ATP6V0A2: variants seen among roughly 807,000 people sequenced by gnomAD.
ATP6V0A2 encodes the protein V-type proton ATPase 116 kDa subunit a 2.
In ATP6V0A2, 58 loss-of-function variants were observed where a neutral mutation model predicts 104.4. That is an observed-to-expected ratio of 0.56 (90% CI 0.45 to 0.69). The LOEUF (loss-of-function observed/expected upper bound fraction) is 0.69, where lower values mean the gene tolerates loss of function less well. Among genes scored for constraint, ATP6V0A2 ranks in the 30% least tolerant of loss-of-function variants. The pLI is 0.00. For synonymous variants in ATP6V0A2, 376 were observed against 397.9 expected, an observed-to-expected ratio of 0.95 and a Z score of 0.65; for missense variants, 938 against 1,062.9, an observed-to-expected ratio of 0.88 and a Z score of 1.63.
chr12:123,757,843 A>AT lies in ATP6V0A2; in HGVS notation c.2466-73dup, dbSNP rs530511817. On this transcript the variant is annotated intron_variant, in intron 19 of 19. Coordinates refer to ENST00000330342, the MANE Select transcript of ATP6V0A2 (RefSeq NM_012463.4). ...GGAATGAAGCAATTTCAGCACAGGA[A>AT]TTTTTTTTTTTAACTTATAAATGTT... The AT allele has an allele frequency of 0.026, 18,883 of 724,444 alleles. 605 individuals are homozygous for AT. Among genetic ancestry groups the AT allele is most frequent in the African/African-American group, 0.17 (9,025 of 54,448 alleles). 44.9% of individuals were successfully genotyped at this position (724,444 alleles called of 1,614,324 possible). A position where few individuals can be genotyped will look rare whatever the true frequency, so the allele number is the denominator to read the frequency against.
chr12:123,726,059 C>A, intron 4 of ATP6V0A2, 138 bp from the exon 5 acceptor site: 1 of 676,210 alleles, frequency 1.5e-6, no homozygotes, highest in South Asian at 1.6e-5. Flanking sequence ...AGTTATAAAT[C>A]TAAGTTACCT....
intron 1 of ATP6V0A2, among the ~76,000 whole-genome samples, chr12:123,716,540 C>T (rs35911711): frequency 0.3 from 46,313 of 152,020 alleles, 7,477 homozygotes; most frequent in Middle Eastern, 0.37. Flanking sequence ...CCTGTAATCC[C>T]GGCACTTTGG....
Position 123,712,677 on chromosome 12 carries a change from C to G in ATP6V0A2, c.112C>G (p.Arg38Gly). The G allele has an allele frequency of 6.2e-7, 1 of 1,609,594 alleles. No homozygotes were observed. Residue 38 changes from arginine (R) to glycine (G), a missense_variant, in exon 1 of 20, where the codon CGA (arginine) becomes GGA (glycine). Physicochemically the swap from Arg to Gly is moderately radical, Grantham distance 125 (BLOSUM62 -2). Transcript: ENST00000330342. ...GGGCGAGAAAGGCCTGGTCCAGTTC[C>G]GAGACGTGAGTGTCGCCCGGGAGAC... ...ALGEKGLVQFRDLNQNVSSFQ... is the reference protein window; with the variant it reads ...ALGEKGLVQFGDLNQNVSSFQ...
chr12:123,745,203 T>A (rs1365018517), intron 13 of ATP6V0A2, among the ~76,000 whole-genome samples: 1 of 152,204 alleles, frequency 6.6e-6, no homozygotes, highest in African/African-American at 2.4e-5. Flanking sequence ...GCCAGGGCTG[T>A]GTTCTGTCAT....
intron 1 of ATP6V0A2, among the ~76,000 whole-genome samples, chr12:123,717,782 A>C (rs1222576985): frequency 6.6e-6 from 1 of 151,684 alleles, no homozygotes; most frequent in Non-Finnish European, 1.5e-5. Context: ...TTCTTGAACT[A>C]GTTTTCTATT....
At chr12:123,751,283 A>T in intron 16 of ATP6V0A2, 54 bp downstream of exon 16, 2 of 1,613,658 alleles carry the variant, frequency 1.2e-6, no homozygotes, top group Non-Finnish European at 1.7e-6. Context: ...GCTTTCGGTT[A>T]TACAAGGATT....
intron 1 of ATP6V0A2, among the ~76,000 whole-genome samples, chr12:123,715,175 TAAAG>T (rs1417600909): frequency 6.6e-6 from 1 of 152,206 alleles, no homozygotes; most frequent in African/African-American, 2.4e-5. Flanking sequence ...TCTTTATAAA[TAAAG>T]ATTCTACTAT....
rs765191718 is a variant in ATP6V0A2 at position 123,752,297 on chromosome 12, TATAAGGAAAG to T, written c.2074_2083del (p.Arg692ValfsTer13). 2 of 1,614,166 alleles carry T rather than the reference TATAAGGAAAG, an allele frequency of 1.2e-6. No individual in the cohort carries two copies. Among genetic ancestry groups the T allele is most frequent in the African/African-American group, 1.3e-5 (1 of 75,048 alleles). ...TTGGTTGTTAGAGTGGCTACACACT[TATAAGGAAAG>T]ATAGTGAGGAAGAAGTTTCATTGCT... On this transcript the variant is annotated frameshift_variant, in exon 17 of 20. Transcript: ENST00000330342. LOFTEE classifies it high-confidence loss of function.
intron 8 of ATP6V0A2, among the ~76,000 whole-genome samples, chr12:123,735,903 G>T (rs1214509616): frequency 6.6e-6 from 1 of 152,016 alleles, no homozygotes; most frequent in South Asian, 2.1e-4. Context: ...ACAGGCTCTC[G>T]CTCTGTCGCC....
At chr12:123,727,603 T>C (rs1350324251) in intron 5 of ATP6V0A2, among the ~76,000 whole-genome samples, 180 bp from the exon 6 acceptor site, 1 of 152,168 alleles carries the variant, frequency 6.6e-6, no homozygotes, top group African/African-American at 2.4e-5. Context: ...TACAAGCTCA[T>C]CTCTACCTTT....
intron 16 of ATP6V0A2, among the ~76,000 whole-genome samples, chr12:123,752,008 G>A (rs758483234): frequency 2.0e-5 from 3 of 151,700 alleles, no homozygotes; most frequent in South Asian, 2.1e-4. Flanking sequence ...ACAGGCGCCC[G>A]CCACCACGCC....
Position 123,761,408 on chromosome 12 carries a change from G to A in ATP6V0A2, c.*3376G>A, listed in dbSNP as rs1282659258. On this transcript the variant is annotated 3_prime_UTR_variant, in exon 20 of 20. Coordinates refer to ENST00000330342, the MANE Select transcript of ATP6V0A2 (RefSeq NM_012463.4). ...AGCCGGGTTTGCTTGCGTGCCACAG[G>A]GAATATATCCAGGAAGGTTATTATG... 6.6e-6 allele frequency: 1 copy of A among 152,186 alleles called. No individual in the cohort carries two copies. Among genetic ancestry groups the A allele is most frequent in the Non-Finnish European group, 1.5e-5 (1 of 68,042 alleles). 9.4% of individuals were successfully genotyped at this position (152,186 alleles called of 1,614,324 possible).
At chr12:123,751,074 C>T (rs376088530) in intron 15 of ATP6V0A2, 36 bp from the exon 16 acceptor site, 131 of 1,613,738 alleles carry the variant, frequency 8.1e-5, no homozygotes, top group Non-Finnish European at 1.0e-4. Context: ...CAGGCCTTCA[C>T]GTTTTAATCG....
intron 9 of ATP6V0A2, among the ~76,000 whole-genome samples, chr12:123,740,775 G>T (rs969548637): frequency 6.6e-6 from 1 of 152,008 alleles, no homozygotes; most frequent in East Asian, 1.9e-4. Context: ...TCCTCTTCGC[G>T]CCTTCTGTTT....
intron 2 of ATP6V0A2, chr12:123,721,595 G>A (rs1314635905): frequency 9.5e-6 from 2 of 211,406 alleles, no homozygotes; most frequent in Non-Finnish European, 2.0e-5. Context: ...AGTAGTGTCC[G>A]GCCACGACTG....
At chr12:123,735,740 TAGTG>T in intron 8 of ATP6V0A2, 116 bp downstream of exon 8, 1 of 941,638 alleles carries the variant, frequency 1.1e-6, no homozygotes, top group Non-Finnish European at 1.7e-6. Context: ...CAAGATGTTC[TAGTG>T]AGATTGGAAT....
intron 5 of ATP6V0A2, among the ~76,000 whole-genome samples, chr12:123,726,749 A>G (rs1409700364): frequency 1.3e-5 from 2 of 152,192 alleles, no homozygotes; most frequent in African/African-American, 4.8e-5. Flanking sequence ...ATGAACTCAT[A>G]TTTCACAGTT....
chr12:123,731,566 T>C (rs1298491559), intron 6 of ATP6V0A2: 1 of 146,486 alleles, frequency 6.8e-6, no homozygotes, highest in Admixed American at 6.7e-5. Flanking sequence ...CTTGAACTCC[T>C]GGGCTCAAAC....
In ATP6V0A2 at chr12:123,761,358, ATAAATTCC is replaced by A. The variant is rs2135929344; in HGVS notation, c.*3328_*3335del. 1 of 152,378 alleles carries A rather than the reference ATAAATTCC, an allele frequency of 6.6e-6. No homozygotes were observed. The highest frequency in any genetic ancestry group is 2.4e-5 in the African/African-American group (1 of 41,590). 9.4% of individuals were successfully genotyped at this position (152,378 alleles called of 1,614,324 possible). ...TATTCTACAGTCCGCATTTAAAACAATAAATTCCTCTATTAAAAACGTAAAGCCGGGTT... is the reference window on the plus strand; with the variant it reads ...TATTCTACAGTCCGCATTTAAAACAATCTATTAAAAACGTAAAGCCGGGTT... On this transcript the variant is annotated 3_prime_UTR_variant, in exon 20 of 20. Coordinates refer to ENST00000330342, the MANE Select transcript of ATP6V0A2 (RefSeq NM_012463.4).
Sources: allele counts gnomAD v4.1 joint callset (sites outside exome capture counted in the v4.1 genomes callset), GRCh38; gene constraint gnomAD v4.1.1; transcripts MANE v1.5; gene names NCBI Gene and HGNC (gene_info 2026-07-23, HGNC 2026-07-21).